The following AEBP1 variants were observed in gnomAD, a reference collection of about 807,000 sequenced individuals.
AEBP1 encodes the protein AE binding protein 1.
AEBP1 carries 69 observed loss-of-function variants against 116.5 expected under a neutral mutation model. The observed-to-expected ratio is 0.59, with a 90% confidence interval of 0.49 to 0.72. The LOEUF (loss-of-function observed/expected upper bound fraction) is 0.72. AEBP1 is among the 30% of genes least tolerant of loss of function. AEBP1 has a pLI of 0.00. For synonymous variants in AEBP1, 627 were observed against 627.3 expected (o/e 1.00, Z 0.01); for missense variants, 1,444 against 1,557.5 (o/e 0.93, Z 1.23).
At position 44,113,360 on chromosome 7, in the gene AEBP1, T is replaced by C. The variant is rs1318511935; in HGVS notation, c.2809+9T>C. 1.2e-6 allele frequency: 2 copies of C among 1,607,436 alleles called. No individual in the cohort carries two copies. Among genetic ancestry groups the C allele is most frequent in the African/African-American group, 1.3e-5 (1 of 74,612 alleles). ...TCACGGCGTGAAGACAGGTACCTAG[T>C]GTGCACACCTTTACCCCATCTTTCT... On this transcript the variant is annotated intron_variant, in intron 20 of 20. Coordinates refer to ENST00000223357, the MANE Select transcript of AEBP1 (RefSeq NM_001129.5). The surrounding 1 kb of genome is among the most constrained non-coding windows in gnomAD (Gnocchi z 5.3).
chr7:44,113,576 ATC>A lies in AEBP1; in HGVS notation c.2810-17_2810-16del. 1.3e-6 allele frequency: 2 copies of A among 1,598,906 alleles called. No homozygotes were observed. Among genetic ancestry groups the A allele is most frequent in the Non-Finnish European group, 1.7e-6 (2 of 1,174,962 alleles). ...GGGAGGGGCGCTCTGGGGCAGCCGG[ATC>A]GTTCTCCCTCCGCAGCCAGTGGTGG... On this transcript the variant is annotated splice_polypyrimidine_tract_variant and intron_variant, in intron 20 of 20. Coordinates refer to ENST00000223357, the MANE Select transcript of AEBP1 (RefSeq NM_001129.5). The surrounding 1 kb of genome is among the most constrained non-coding windows in gnomAD (Gnocchi z 5.3).
Position 44,107,446 on chromosome 7 carries a change from C to T in AEBP1, c.603C>T (p.Pro201=), listed in dbSNP as rs2096224086. 1 of 1,613,194 alleles carries T rather than the reference C, an allele frequency of 6.2e-7. No individual in the cohort carries two copies. Among genetic ancestry groups the T allele is most frequent in the Admixed American group, 1.7e-5 (1 of 60,004 alleles). Residue 201 remains proline (P), a synonymous_variant, in exon 3 of 21, where the codon CCC becomes CCT. Coordinates refer to ENST00000223357, the MANE Select transcript of AEBP1 (RefSeq NM_001129.5). This position sits in a 1 kb window ranked among gnomAD's most constrained non-coding sequence, Gnocchi z 4.3. The part of the protein sequence containing the change: ...PEELPQEGGA[P]LSNNWQNPGE... ...GGAACTCCTGTGTTGCAGGGGCGCC[C>T]CTCTCAAATAACTGGCAGAATCCAG...
chr7:44,111,594 A>G lies in AEBP1; in HGVS notation c.1804A>G (p.Met602Val). The change falls in exon 15 of 21, where the codon ATG becomes GTG. Residue 602 changes from methionine (M) to valine (V), a missense_variant. Physicochemically the swap from Met to Val is conservative, Grantham distance 21 (BLOSUM62 1). Transcript: ENST00000223357. This position sits in a 1 kb window ranked among gnomAD's most constrained non-coding sequence, Gnocchi z 4.7. ...CTCACGAGGCCTCAAGATCTATGCC[A>G]TGGAGATCTCAGACAACCCTGGGGA... ...KSSRGLKIYA[M>V]EISDNPGEHE... is the part of the protein sequence containing the mutation. The G allele has an allele frequency of 6.2e-7, 1 of 1,613,260 alleles. No individual in the cohort carries two copies. Among genetic ancestry groups the G allele is most frequent in the Non-Finnish European group, 8.5e-7 (1 of 1,179,750 alleles).
In AEBP1 at chr7:44,114,420, A is replaced by G. The variant is rs1357576446; in HGVS notation, c.*159A>G. ...CCTGCCCCTTTGAGGGGGTGCAAAC[A>G]TGACTGGGACCTAAGAGCCAGAGGC... On this transcript the variant is annotated 3_prime_UTR_variant, in exon 21 of 21. Coordinates refer to ENST00000223357, the MANE Select transcript of AEBP1 (RefSeq NM_001129.5). 1.2e-6 allele frequency: 1 copy of G among 807,606 alleles called. No homozygotes were observed. Among genetic ancestry groups the G allele is most frequent in the Admixed American group, 2.7e-5 (1 of 36,992 alleles). 50.0% of individuals were successfully genotyped at this position (807,606 alleles called of 1,614,324 possible).
At chr7:44,109,944 T>C (rs2096227237) in intron 9 of AEBP1, 71 bp from the exon 10 acceptor site, 1 of 1,405,772 alleles carries the variant, frequency 7.1e-7, no homozygotes, top group Non-Finnish European at 9.9e-7. Flanking sequence ...GGCTCTGGGC[T>C]CCTTGGTTCT....
chr7:44,110,341 C>T lies in AEBP1; in HGVS notation c.1395C>T (p.Ser465=), dbSNP rs747007672. The change falls in exon 11 of 21, where the codon AGC becomes AGT. Residue 465 remains serine, a synonymous_variant. Coordinates refer to ENST00000223357, the MANE Select transcript of AEBP1 (RefSeq NM_001129.5). ...TGVITQGRDS[S]IHDDFVTTFF... is the part of the protein sequence containing the mutation. ...TCATCACCCAGGGCAGAGACTCCAG[C>T]ATCCAGTGCGTGGCCAGGCTCATGG... The T allele has an allele frequency of 2.1e-5, 34 of 1,613,570 alleles. No individual in the cohort carries two copies. The highest frequency in any genetic ancestry group is 2.8e-5 in the Non-Finnish European group (33 of 1,180,006).
Position 44,112,662 on chromosome 7 carries a change from T to C in AEBP1, c.2322T>C (p.Asp774=), listed in dbSNP as rs201492258. ...AGCGGCTAGTATCCTACCCCTACGA[T>C]ATGGCCCGCACGCCTACCCAGGAGC... ...GGERLVSYPY[D]MARTPTQEQL... is the part of the protein sequence containing the mutation. Residue 774 remains aspartate (D), a synonymous_variant, in exon 18 of 21, where the codon GAT becomes GAC. Coordinates refer to ENST00000223357, the MANE Select transcript of AEBP1 (RefSeq NM_001129.5). The surrounding 1 kb of genome is among the most constrained non-coding windows in gnomAD (Gnocchi z 6.6). 6.2e-7 allele frequency: 1 copy of C among 1,612,986 alleles called. No individual in the cohort carries two copies.
chr7:44,111,839 C>T lies in AEBP1; in HGVS notation c.1841-15C>T. ...TCGGGAGACTGAGTGCTCACTGAGG[C>T]TCCCGCCCTTGCAGGGGAGCCCGAG... On this transcript the variant is annotated splice_polypyrimidine_tract_variant and intron_variant, in intron 15 of 20. Transcript: ENST00000223357. This position sits in a 1 kb window ranked among gnomAD's most constrained non-coding sequence, Gnocchi z 4.7. 6.2e-7 allele frequency: 1 copy of T among 1,608,816 alleles called. No homozygotes were observed. The highest frequency in any genetic ancestry group is 8.5e-7 in the Non-Finnish European group (1 of 1,177,726).
At chr7:44,109,406 T>G in intron 9 of AEBP1, 65 bp downstream of exon 9, 1 of 1,447,224 alleles carries the variant, frequency 6.9e-7, no homozygotes, top group Non-Finnish European at 9.2e-7. Context: ...GACAAGTGAC[T>G]GGCCCAATGT....
rs561000204 is a variant in AEBP1 at position 44,114,156 on chromosome 7, G to T, written c.3372G>T (p.Glu1124Asp). The T allele has an allele frequency of 6.2e-7, 1 of 1,614,110 alleles. No individual in the cohort carries two copies. Among genetic ancestry groups the T allele is most frequent in the Admixed American group, 1.7e-5 (1 of 60,020 alleles). ...AGTTTGAGACCCAGCTGGAACCCGA[G>T]TTTGAGGAAGAGGAGGAGGAGGAGA... ...EPEFETQLEP[E>D]FEEEEEEEKE... The change falls in exon 21 of 21, where the codon GAG (glutamate) becomes GAT (aspartate). Residue 1124 changes from glutamate (E) to aspartate (D), a missense_variant. Coordinates refer to ENST00000223357, the MANE Select transcript of AEBP1 (RefSeq NM_001129.5).
intron 9 of AEBP1, 24 bp from the exon 10 acceptor site, chr7:44,109,991 C>A (rs1282705349): frequency 6.2e-7 from 1 of 1,602,032 alleles, no homozygotes; most frequent in Admixed American, 1.7e-5. Context: ...TAGTGAGCCA[C>A]CATTCTGGGG....
Position 44,107,455 on chromosome 7 carries a change from T to C in AEBP1, c.612T>C (p.Asn204=), listed in dbSNP as rs753784455. 2.5e-6 allele frequency: 4 copies of C among 1,613,130 alleles called. No individual in the cohort carries two copies. The highest frequency in any genetic ancestry group is 2.7e-5 in the African/African-American group (2 of 74,926). The part of the protein sequence containing the change: ...LPQEGGAPLS[N]NWQNPGEETH... Reference sequence around the variant, plus strand: ...GTGTTGCAGGGGCGCCCCTCTCAAATAACTGGCAGAATCCAGGAGAGGAGA... The same window carrying C: ...GTGTTGCAGGGGCGCCCCTCTCAAACAACTGGCAGAATCCAGGAGAGGAGA... The change falls in exon 3 of 21, where the codon AAT becomes AAC. Residue 204 remains asparagine, a synonymous_variant. Transcript: ENST00000223357. This position sits in a 1 kb window ranked among gnomAD's most constrained non-coding sequence, Gnocchi z 4.3.
In AEBP1 at chr7:44,104,849, C is replaced by T. The variant is rs1488420751; in HGVS notation, c.184C>T (p.Pro62Ser). 1.3e-6 allele frequency: 2 copies of T among 1,580,398 alleles called. No individual in the cohort carries two copies. The highest frequency in any genetic ancestry group is 4.7e-5 in the East Asian group (2 of 42,656). ...DDVEAPPPPEPTPRVRKAQAG... is the reference protein window; with the variant it reads ...DDVEAPPPPESTPRVRKAQAG... ...CGTGGAGGCCCCGCCGCCTCCCGAGCCCACCCCGCGGGTCCGAAAAGCCCA... is the reference window on the plus strand; with the variant it reads ...CGTGGAGGCCCCGCCGCCTCCCGAGTCCACCCCGCGGGTCCGAAAAGCCCA... The change falls in exon 1 of 21, where the codon CCC becomes TCC. Residue 62 changes from proline to serine, a missense_variant. Transcript: ENST00000223357.
Position 44,104,675 on chromosome 7 carries a change from G to C in AEBP1, c.10G>C (p.Val4Leu). 2 of 1,520,386 alleles carry C rather than the reference G, an allele frequency of 1.3e-6. No individual in the cohort carries two copies. Among genetic ancestry groups the C allele is most frequent in the Non-Finnish European group, 1.8e-6 (2 of 1,137,672 alleles). The allele number at this position is 1,520,386 out of a possible 1,614,324, so 94.2% of individuals were successfully genotyped here. Residue 4 changes from valine (V) to leucine (L), a missense_variant, in exon 1 of 21, where the codon GTG (valine) becomes CTG (leucine). By Grantham distance (32) the Val-to-Leu change is conservative (BLOSUM62 1). Coordinates refer to ENST00000223357, the MANE Select transcript of AEBP1 (RefSeq NM_001129.5). Reference sequence around the variant, plus strand: ...CGCGCGTGCCGCGGCCATGGCGGCCGTGCGCGGGGCGCCCCTGCTCAGCTG... The same window carrying C: ...CGCGCGTGCCGCGGCCATGGCGGCCCTGCGCGGGGCGCCCCTGCTCAGCTG... Reference protein sequence around the residue: MAAVRGAPLLSCLL... With the variant: MAALRGAPLLSCLL...
chr7:44,108,013 C>T lies in AEBP1; in HGVS notation c.869C>T (p.Pro290Leu). The T allele has an allele frequency of 6.3e-7, 1 of 1,589,458 alleles. No individual in the cohort carries two copies. Among genetic ancestry groups the T allele is most frequent in the South Asian group, 1.1e-5 (1 of 87,604 alleles). Residue 290 changes from proline (P) to leucine (L), a missense_variant, in exon 6 of 21, where the codon CCT becomes CTT. Coordinates refer to ENST00000223357, the MANE Select transcript of AEBP1 (RefSeq NM_001129.5). The surrounding 1 kb of genome is among the most constrained non-coding windows in gnomAD (Gnocchi z 5.0). ...APAPEERIEP[P>L]VKPLLPPLPP... ...AACCTCCCCGCCTCCCCAGAGCCTC[C>T]TGTGAAGCCTCTGCTGCCCCCGCTG...
chr7:44,109,170 G>C lies in AEBP1; in HGVS notation c.1082G>C (p.Gly361Ala), dbSNP rs767162666. ...EETDKWAVEK[G>A]KDHKEPRKGE... ...ACCGACAAGTGGGCAGTGGAGAAGGGCAAGGACCACAAAGGTGTGTGGCTG... is the reference window on the plus strand; with the variant it reads ...ACCGACAAGTGGGCAGTGGAGAAGGCCAAGGACCACAAAGGTGTGTGGCTG... The change falls in exon 8 of 21, where the codon GGC (glycine) becomes GCC (alanine). Residue 361 changes from glycine to alanine, a missense_variant. Gly to Ala is a moderately conservative substitution (Grantham distance 60). Coordinates refer to ENST00000223357, the MANE Select transcript of AEBP1 (RefSeq NM_001129.5). The C allele has an allele frequency of 1.9e-6, 3 of 1,613,818 alleles. No homozygotes were observed. The highest frequency in any genetic ancestry group is 1.1e-5 in the South Asian group (1 of 91,088).
At position 44,113,724 on chromosome 7, in the gene AEBP1, C is replaced by T. The variant is rs776691425; in HGVS notation, c.2940C>T (p.Phe980=). 5.6e-6 allele frequency: 9 copies of T among 1,614,116 alleles called. No homozygotes were observed. In the South Asian group the frequency reaches 8.8e-5, roughly 16 times the overall value. Residue 980 remains phenylalanine, a synonymous_variant, in exon 21 of 21, where the codon TTC becomes TTT. Transcript: ENST00000223357. This position sits in a 1 kb window ranked among gnomAD's most constrained non-coding sequence, Gnocchi z 5.3. ...ACATCGGGGCCACTCAGTGCAACTT[C>T]ATCCTGGCTCGCTCCAACTGGAAGC... ...DYDIGATQCN[F]ILARSNWKRI...
chr7:44,109,632 G>A, intron 9 of AEBP1: 1 of 582,372 alleles, frequency 1.7e-6, no homozygotes, highest in Non-Finnish European at 3.1e-6. Flanking sequence ...GAGGACCTCA[G>A]GTACCTTCAC....
In AEBP1 at chr7:44,111,126, G is replaced by A. The variant is rs765265199; in HGVS notation, c.1631-28G>A. 7 of 1,572,156 alleles carry A rather than the reference G, an allele frequency of 4.5e-6. No individual in the cohort carries two copies. Among genetic ancestry groups the A allele is most frequent in the East Asian group, 4.5e-5 (2 of 44,384 alleles). On this transcript the variant is annotated intron_variant, in intron 13 of 20. Transcript: ENST00000223357. This position sits in a 1 kb window ranked among gnomAD's most constrained non-coding sequence, Gnocchi z 4.7. ...GCTAGGGTGGGCCAGCCGGCACCCA[G>A]CTAAAGACAACCCCGCCTCCCTTGC...
Sources: allele counts gnomAD v4.1 joint callset, GRCh38; gene constraint gnomAD v4.1.1; non-coding constraint Gnocchi (gnomAD v3.1); transcripts MANE v1.5; gene names NCBI Gene and HGNC (gene_info 2026-07-23, HGNC 2026-07-21).